CUBN: variants seen among roughly 807,000 people sequenced by gnomAD.
CUBN encodes 460 kDa receptor.
CUBN carries 282 observed loss-of-function variants against 405.3 expected under a neutral mutation model. The ratio of observed to expected loss-of-function variants is 0.70; its 90% confidence interval spans 0.63 to 0.77. The LOEUF (loss-of-function observed/expected upper bound fraction) is 0.77, where lower values mean the gene tolerates loss of function less well. Among genes scored for constraint, CUBN ranks in the 30% least tolerant of loss-of-function variants. The pLI is 0.00. For missense variants in CUBN, 4,514 were observed against 4,475.2 expected (o/e 1.01, Z -0.25); for synonymous variants, 1,684 against 1,617.0 (o/e 1.04, Z -0.99).
At chr10:17,046,762 T>G (rs1835144150) in intron 23 of CUBN, among the ~76,000 whole-genome samples, 1 of 152,178 alleles carries the variant, frequency 6.6e-6, no homozygotes, top group Non-Finnish European at 1.5e-5. Flanking sequence ...TTATAATACA[T>G]AAGATTCCAG....
chr10:17,102,973 T>C lies in CUBN; in HGVS notation c.1530+152A>G, dbSNP rs1836532218. The C allele has an allele frequency of 4.5e-5, 29 of 650,510 alleles. No homozygotes were observed. In the South Asian group the frequency reaches 4.7e-4, roughly 11 times the overall value. 40.3% of individuals were successfully genotyped at this position (650,510 alleles called of 1,614,324 possible). A position where few individuals can be genotyped will look rare whatever the true frequency, so the allele number is the denominator to read the frequency against. On this transcript the variant is annotated intron_variant, in intron 13 of 66. Transcript: ENST00000377833. ...GGTTATGAAAAGGTAGGTATATGTCTAGCCAAAATAATGGCACTCCGTACT... is the reference window on the plus strand; with the variant it reads ...GGTTATGAAAAGGTAGGTATATGTCCAGCCAAAATAATGGCACTCCGTACT...
rs538956955 is a variant in CUBN at position 17,115,608 on chromosome 10, C to T, written c.594-11G>A. Reference sequence around the variant, plus strand: ...GGTGGGCAGTGACAACTGTTGGTTACACAAGAGCACAATGTCAGGGCACGC... The same window carrying T: ...GGTGGGCAGTGACAACTGTTGGTTATACAAGAGCACAATGTCAGGGCACGC... On this transcript the variant is annotated splice_polypyrimidine_tract_variant and intron_variant, in intron 6 of 66. Transcript: ENST00000377833. The T allele has an allele frequency of 3.1e-6, 5 of 1,614,148 alleles. No homozygotes were observed. Among genetic ancestry groups the T allele is most frequent in the East Asian group, 4.5e-5 (2 of 44,874 alleles).
chr10:16,848,650 C>T (rs1023334572), intron 60 of CUBN, among the ~76,000 whole-genome samples: 1 of 137,896 alleles, frequency 7.3e-6, no homozygotes, highest in African/African-American at 2.7e-5. Context: ...GTTTTGAATT[C>T]AGCTTTAGGA....
chr10:16,882,487 A>G (rs989425204), intron 56 of CUBN, among the ~76,000 whole-genome samples: 1 of 152,162 alleles, frequency 6.6e-6, no homozygotes, highest in Non-Finnish European at 1.5e-5. Flanking sequence ...GCAATGTCTA[A>G]TTCCAAACTT....
chr10:16,836,918 G>A (rs1171147148), intron 62 of CUBN, among the ~76,000 whole-genome samples: 1 of 152,112 alleles, frequency 6.6e-6, no homozygotes, highest in Non-Finnish European at 1.5e-5. Flanking sequence ...CCTCTCAAAA[G>A]CCTGGAGTAA....
intron 2 of CUBN, 125 bp downstream of exon 2, chr10:17,128,996 A>C: frequency 1.4e-6 from 1 of 728,426 alleles, no homozygotes; most frequent in Non-Finnish European, 2.2e-6. Flanking sequence ...GGAATGTATC[A>C]AATTATGTAT....
intron 59 of CUBN, among the ~76,000 whole-genome samples, chr10:16,858,382 G>A (rs1839922997): frequency 6.6e-6 from 1 of 152,162 alleles, no homozygotes; most frequent in African/African-American, 2.4e-5. Flanking sequence ...GTGCAGTGGT[G>A]TGATCACAGC....
Position 17,109,924 on chromosome 10 carries a change from C to A in CUBN, c.1016-189G>T, listed in dbSNP as rs532796503. The stretch of plus-strand genomic sequence containing the variant: ...TAAGAAAAATAACAAGAATTAGTAA[C>A]CTGATTTCATAAGCAATGTTCTGGG... On this transcript the variant is annotated intron_variant, in intron 9 of 66. Coordinates refer to ENST00000377833, the MANE Select transcript of CUBN (RefSeq NM_001081.4). Among the ~76,000 whole-genome samples, 3 of 151,830 alleles carry A rather than the reference C, an allele frequency of 2.0e-5. No individual in the cohort carries two copies. In the South Asian group the frequency reaches 6.3e-4, roughly 32 times the overall value.
Position 16,840,482 on chromosome 10 carries a change from G to A in CUBN, c.9880C>T (p.Pro3294Ser), listed in dbSNP as rs1265280785. ...ATWTPQNISS[P>S]NSSDPDVPFS... Reference sequence around the variant, plus strand: ...GGGACATCTGGGTCTGATGAATTGGGTGATGAAATATTTTGTGGGGTCCAA... The same window carrying A: ...GGGACATCTGGGTCTGATGAATTGGATGATGAAATATTTTGTGGGGTCCAA... The change falls in exon 62 of 67, where the codon CCC (proline) becomes TCC (serine). Residue 3294 changes from proline (P) to serine (S), a missense_variant. Coordinates refer to ENST00000377833, the MANE Select transcript of CUBN (RefSeq NM_001081.4). 6.2e-7 allele frequency: 1 copy of A among 1,613,294 alleles called. No individual in the cohort carries two copies. Among genetic ancestry groups the A allele is most frequent in the African/African-American group, 1.3e-5 (1 of 74,924 alleles).
At chr10:16,941,740 GC>G (rs1235845864) in intron 36 of CUBN, among the ~76,000 whole-genome samples, 1 of 152,108 alleles carries the variant, frequency 6.6e-6, no homozygotes, top group East Asian at 1.9e-4. Context: ...TACTTGGGAG[GC>G]TGAGGCAGGA....
At chr10:16,888,191 T>C (rs1840877824) in intron 56 of CUBN, among the ~76,000 whole-genome samples, 1 of 152,154 alleles carries the variant, frequency 6.6e-6, no homozygotes, top group Non-Finnish European at 1.5e-5. Flanking sequence ...ATAACAAGGT[T>C]GAATACCTGA....
At chr10:16,925,024 T>A (rs917467682) in intron 43 of CUBN, among the ~76,000 whole-genome samples, 11 of 152,176 alleles carry the variant, frequency 7.2e-5, no homozygotes, top group Non-Finnish European at 1.5e-4. Flanking sequence ...CTTGGAAAAG[T>A]CCAAGCCTCA....
At chr10:17,046,203 G>T in intron 23 of CUBN, 109 bp from the exon 24 acceptor site, 1 of 969,798 alleles carries the variant, frequency 1.0e-6, no homozygotes, top group South Asian at 1.4e-5. Flanking sequence ...TTTATTGGAT[G>T]AAGTAATTTC....
chr10:17,123,016 C>G, intron 5 of CUBN, 118 bp from the exon 6 acceptor site: 2 of 746,422 alleles, frequency 2.7e-6, no homozygotes, highest in South Asian at 2.9e-5. Context: ...CTCATAAAGT[C>G]AAATACAATA....
At chr10:16,942,822 A>C in intron 36 of CUBN, among the ~76,000 whole-genome samples, 1 of 139,292 alleles carries the variant, frequency 7.2e-6, no homozygotes. Flanking sequence ...AGGGAAGGGA[A>C]GGGAAAAGGA....
intron 15 of CUBN, among the ~76,000 whole-genome samples, chr10:17,086,698 A>G (rs973191615): frequency 1.3e-5 from 2 of 152,214 alleles, no homozygotes; most frequent in African/African-American, 4.8e-5. Flanking sequence ...CAATGAACTA[A>G]AGAATATTTT....
At chr10:17,111,174 C>G (rs1344484193) in intron 8 of CUBN, 124 bp from the exon 9 acceptor site, 2 of 1,136,554 alleles carry the variant, frequency 1.8e-6, no homozygotes, top group Non-Finnish European at 2.5e-6. Context: ...ATGAGATATG[C>G]TTATCAGATT....
At position 17,071,781 on chromosome 10, in the gene CUBN, T is replaced by C. The variant is rs752022087; in HGVS notation, c.2446+46A>G. The C allele has an allele frequency of 5.1e-5, 81 of 1,593,520 alleles. 3 individuals carry two copies. In the South Asian group the frequency reaches 8.9e-4, roughly 17 times the overall value. On this transcript the variant is annotated intron_variant, in intron 18 of 66. Coordinates refer to ENST00000377833, the MANE Select transcript of CUBN (RefSeq NM_001081.4). The stretch of plus-strand genomic sequence containing the variant: ...TAAATTATTTTGAAGAATTAAAATA[T>C]TACAATCAGGCAAATTAGACATTTA...
chr10:16,995,120 A>C (rs1190681578), intron 28 of CUBN, among the ~76,000 whole-genome samples: 2 of 152,352 alleles, frequency 1.3e-5, no homozygotes, highest in Non-Finnish European at 2.9e-5. Flanking sequence ...ATACCAACCA[A>C]GAAAGGAACA....
Sources: allele counts gnomAD v4.1 joint callset (sites outside exome capture counted in the v4.1 genomes callset), GRCh38; gene constraint gnomAD v4.1.1; transcripts MANE v1.5; gene names NCBI Gene and HGNC (gene_info 2026-07-23, HGNC 2026-07-21).